The following ERC1 variants were observed in gnomAD, a reference collection of about 807,000 sequenced individuals.
ERC1 encodes ELKS/RAB6-interacting/CAST family member 1, also known as RAB6 interacting protein 2.
ERC1 carries 56 observed loss-of-function variants against 132.0 expected under a neutral mutation model. The observed-to-expected ratio is 0.42, with a 90% CI of 0.34 to 0.53. The LOEUF (loss-of-function observed/expected upper bound fraction) is 0.53. Ranked by LOEUF, ERC1 falls within the 20% of genes least tolerant of loss-of-function variation. The pLI, the probability that ERC1 is intolerant of heterozygous loss-of-function variation, is 0.03. For missense variants in ERC1, 1,202 were observed against 1,349.9 expected (o/e 0.89, Z 1.72); for synonymous variants, 478 against 476.1 (o/e 1.00, Z -0.05).
intron 13 of ERC1, chr12:1,244,782 G>A: frequency 3.8e-6 from 1 of 265,876 alleles, no homozygotes; most frequent in Non-Finnish European, 7.6e-6. Flanking sequence ...GCCTCTACAA[G>A]TGCTGGGATT....
chr12:1,157,688 C>G (rs961663241), intron 8 of ERC1, among the ~76,000 whole-genome samples: 2 of 152,070 alleles, frequency 1.3e-5, no homozygotes, highest in African/African-American at 4.8e-5. Flanking sequence ...AAAAAATGAA[C>G]TTGTTACTTT....
chr12:1,422,279 A>C (rs568883144), intron 17 of ERC1, among the ~76,000 whole-genome samples: 4 of 152,250 alleles, frequency 2.6e-5, no homozygotes, highest in African/African-American at 9.6e-5. Context: ...GAGTCAGGTT[A>C]GATTTTTCTC....
intron 7 of ERC1, among the ~76,000 whole-genome samples, chr12:1,127,012 A>C (rs1374647991): frequency 1.3e-5 from 2 of 149,494 alleles, no homozygotes; most frequent in South Asian, 2.1e-4. Flanking sequence ...AAAAAAAAAA[A>C]ACCTCAAAAA....
intron 2 of ERC1, among the ~76,000 whole-genome samples, chr12:1,045,582 C>T (rs530526882): frequency 2.3e-4 from 35 of 151,980 alleles, no homozygotes; most frequent in African/African-American, 7.7e-4. Context: ...GCAATGTTGT[C>T]CTCATTTATA....
At chr12:1,008,861 C>T (rs1028358136) in intron 1 of ERC1, among the ~76,000 whole-genome samples, 3 of 152,160 alleles carry the variant, frequency 2.0e-5, no homozygotes, top group Non-Finnish European at 4.4e-5. Flanking sequence ...TTCAGTTCCT[C>T]GGTCTCACTA....
intron 7 of ERC1, among the ~76,000 whole-genome samples, chr12:1,131,557 G>T (rs1431273352): frequency 1.3e-5 from 2 of 152,102 alleles, no homozygotes; most frequent in Non-Finnish European, 2.9e-5. Context: ...CACCTCCCGG[G>T]TTCGCACCAT....
chr12:1,256,411 C>T lies in ERC1; in HGVS notation c.2488-6623C>T, dbSNP rs2076819801. On this transcript the variant is annotated intron_variant, in intron 13 of 18. Transcript: ENST00000360905. The stretch of plus-strand genomic sequence containing the variant: ...GCCAATAGACTCTGAGTATTTCGTT[C>T]TCAGACTAAAAAAAAAAAAAAAAAG... Among the ~76,000 whole-genome samples the T allele has an allele frequency of 2.3e-5, 3 of 133,182 alleles. No homozygotes were observed. The Admixed American group carries it at 2.3e-4, about 10-fold the overall frequency. The allele number at this position is 133,182 out of a possible 152,430, so 87.4% of individuals were successfully genotyped here. A position where few individuals can be genotyped will look rare whatever the true frequency, so the allele number is the denominator to read the frequency against.
At chr12:1,255,527 C>G (rs2076741620) in intron 13 of ERC1, among the ~76,000 whole-genome samples, 1 of 150,134 alleles carries the variant, frequency 6.7e-6, no homozygotes, top group African/African-American at 2.4e-5. Flanking sequence ...ACCACACTGT[C>G]TTCCACAATG....
intron 15 of ERC1, among the ~76,000 whole-genome samples, chr12:1,328,402 C>CT (rs1220013339): frequency 6.6e-6 from 1 of 152,108 alleles, no homozygotes; most frequent in African/African-American, 2.4e-5. Flanking sequence ...CCATGGCCTC[C>CT]CAAAGTGCTG....
chr12:1,329,951 T>C (rs1272728776), intron 15 of ERC1, among the ~76,000 whole-genome samples: 1 of 152,210 alleles, frequency 6.6e-6, no homozygotes, highest in Non-Finnish European at 1.5e-5. Context: ...GAGAATAGTT[T>C]AACAGTTCCC....
At chr12:1,081,364 G>T (rs768659986) in intron 2 of ERC1, among the ~76,000 whole-genome samples, 6 of 152,110 alleles carry the variant, frequency 3.9e-5, no homozygotes, top group Non-Finnish European at 8.8e-5. Flanking sequence ...ACCGTCCCCT[G>T]TATAAAAAGC....
chr12:1,485,439 G>A (rs1430612753), intron 18 of ERC1, among the ~76,000 whole-genome samples: 1 of 151,854 alleles, frequency 6.6e-6, no homozygotes, highest in Admixed American at 6.6e-5. Context: ...TCCTGACCTT[G>A]TGATCTGCCC....
intron 7 of ERC1, among the ~76,000 whole-genome samples, chr12:1,131,056 A>G (rs183717970): frequency 1.4e-4 from 21 of 152,372 alleles, no homozygotes; most frequent in African/African-American, 4.1e-4. Context: ...CAGATTTAAC[A>G]TACATTAAAA....
At chr12:1,125,804 A>G (rs1948097501) in intron 7 of ERC1, among the ~76,000 whole-genome samples, 1 of 152,258 alleles carries the variant, frequency 6.6e-6, no homozygotes, top group African/African-American at 2.4e-5. Flanking sequence ...GACAAGAGCG[A>G]GACTCCGTCT....
Position 1,028,524 on chromosome 12 carries a change from A to G in ERC1, c.621A>G (p.Lys207=), listed in dbSNP as rs138529974. ...ERALRKDEAS[K]ITIWKEQYRV... ...CCCTGAGAAAAGATGAAGCTTCCAAAATCACCATTTGGAAGGAACAGTACA... is the reference window on the plus strand; with the variant it reads ...CCCTGAGAAAAGATGAAGCTTCCAAGATCACCATTTGGAAGGAACAGTACA... Residue 207 remains lysine, a synonymous_variant, in exon 2 of 19, where the codon AAA becomes AAG. Transcript: ENST00000360905. 1.2e-6 allele frequency: 2 copies of G among 1,614,068 alleles called. No individual in the cohort carries two copies. Among genetic ancestry groups the G allele is most frequent in the African/African-American group, 2.7e-5 (2 of 75,004 alleles).
chr12:1,364,445 A>T (rs1299928369), intron 15 of ERC1, among the ~76,000 whole-genome samples: 1 of 152,138 alleles, frequency 6.6e-6, no homozygotes, highest in Non-Finnish European at 1.5e-5. Context: ...TAAAACCCTC[A>T]AGGATTTCAC....
chr12:1,300,597 C>A (rs1003052503), intron 15 of ERC1, among the ~76,000 whole-genome samples: 4 of 151,576 alleles, frequency 2.6e-5, no homozygotes, highest in Non-Finnish European at 5.9e-5. Flanking sequence ...GGAATTTAAA[C>A]AAATTTACAA....
At chr12:1,324,202 T>C (rs1239799332) in intron 15 of ERC1, among the ~76,000 whole-genome samples, 1 of 152,230 alleles carries the variant, frequency 6.6e-6, no homozygotes, top group African/African-American at 2.4e-5. Context: ...GATTTGCTTT[T>C]GCTCTGGAGA....
intron 7 of ERC1, among the ~76,000 whole-genome samples, chr12:1,138,764 G>A (rs532686963): frequency 6.6e-6 from 1 of 152,210 alleles, no homozygotes; most frequent in African/African-American, 2.4e-5. Flanking sequence ...TATGGCAAAG[G>A]TTAGGCAGTG....
Sources: gnomAD v4.1 joint callset for allele counts (sites outside exome capture counted in the v4.1 genomes callset) on GRCh38, gnomAD v4.1.1 for gene constraint, MANE v1.5 for transcripts, NCBI Gene and HGNC (gene_info 2026-07-23, HGNC 2026-07-21) for gene names.